The following RBFOX1 variants were observed in gnomAD, a reference collection of about 807,000 sequenced individuals.
The protein encoded by RBFOX1 is RNA binding protein fox-1 homolog 1.
Under a neutral mutation model 57.7 loss-of-function variants are expected in RBFOX1, and 8 were observed. That is an observed-to-expected ratio of 0.14 (90% CI 0.08 to 0.25). The LOEUF is 0.25. RBFOX1 is among the 10% of genes least tolerant of loss of function. The probability of loss-of-function intolerance (pLI) is 1.00; values close to 1 mark genes in which losing one functional copy is unlikely to be tolerated. For missense variants in RBFOX1, 611 were observed against 548.5 expected (o/e 1.11, Z -1.14); for synonymous variants, 326 against 222.4 (o/e 1.47, Z -4.15).
intron 1 of RBFOX1, among the ~76,000 whole-genome samples, chr16:6,172,634 T>C (rs907949554): frequency 6.6e-6 from 1 of 152,184 alleles, no homozygotes; most frequent in Non-Finnish European, 1.5e-5. Flanking sequence ...CTCTGGATTA[T>C]TCAATGTAGA....
intron 4 of RBFOX1, among the ~76,000 whole-genome samples, chr16:7,107,689 G>A (rs1023315506): frequency 1.3e-5 from 2 of 151,994 alleles, no homozygotes; most frequent in Non-Finnish European, 2.9e-5. Context: ...CTACACACTA[G>A]TTTGCCTTTT....
At chr16:5,385,915 G>A (rs1302460655) in intron 1 of RBFOX1, among the ~76,000 whole-genome samples, 3 of 152,030 alleles carry the variant, frequency 2.0e-5, no homozygotes, top group Non-Finnish European at 4.4e-5. Context: ...GCAGGAGTGT[G>A]GATAAATCTG....
At chr16:5,412,648 G>T (rs570248013) in intron 1 of RBFOX1, among the ~76,000 whole-genome samples, 3 of 152,158 alleles carry the variant, frequency 2.0e-5, no homozygotes, top group Non-Finnish European at 2.9e-5. Flanking sequence ...CTTATTGTGC[G>T]CTGGTTCTTG....
chr16:5,324,068 T>A (rs2064491044), intron 1 of RBFOX1, among the ~76,000 whole-genome samples: 2 of 152,242 alleles, frequency 1.3e-5, no homozygotes, highest in South Asian at 4.1e-4. Context: ...CTTTGCAAAG[T>A]GTTTGCCAGT....
chr16:7,336,776 G>C (rs148847572), intron 4 of RBFOX1, among the ~76,000 whole-genome samples: 5 of 152,296 alleles, frequency 3.3e-5, no homozygotes, highest in African/African-American at 1.2e-4. Flanking sequence ...TCCTATATCT[G>C]TAATTGTAAA....
At chr16:5,436,347 A>C (rs935644004) in intron 1 of RBFOX1, among the ~76,000 whole-genome samples, 2 of 152,158 alleles carry the variant, frequency 1.3e-5, no homozygotes, top group African/African-American at 4.8e-5. Flanking sequence ...TTCAGGGGCT[A>C]CAGAAGAGAC....
chr16:6,719,759 T>A (rs929990092), intron 3 of RBFOX1, among the ~76,000 whole-genome samples: 5 of 152,072 alleles, frequency 3.3e-5, no homozygotes, highest in African/African-American at 1.2e-4. Flanking sequence ...ATGATGGTTT[T>A]TTAAAGTGCC....
At chr16:6,872,378 G>C (rs2153275149) in intron 3 of RBFOX1, among the ~76,000 whole-genome samples, 1 of 151,898 alleles carries the variant, frequency 6.6e-6, no homozygotes, top group East Asian at 1.9e-4. Flanking sequence ...AGTAATAATA[G>C]CTTTACTATG....
At chr16:6,994,716 A>G (rs954677813) in intron 3 of RBFOX1, among the ~76,000 whole-genome samples, 1 of 152,194 alleles carries the variant, frequency 6.6e-6, no homozygotes, top group African/African-American at 2.4e-5. Flanking sequence ...AAAGTCCTGA[A>G]GCTATCATAT....
intron 1 of RBFOX1, among the ~76,000 whole-genome samples, chr16:6,075,074 G>C (rs1482604983): frequency 1.3e-5 from 2 of 152,214 alleles, no homozygotes; most frequent in African/African-American, 4.8e-5. Context: ...AGAGAAGCTG[G>C]ATGGTCAATA....
chr16:5,742,873 G>C (rs1045447902), intron 3 of RBFOX1, among the ~76,000 whole-genome samples: 13 of 152,200 alleles, frequency 8.5e-5, no homozygotes, highest in African/African-American at 3.1e-4. Flanking sequence ...TTTGGGCCGA[G>C]AGATGGATCT....
At chr16:5,738,953 C>G (rs2052678662) in intron 3 of RBFOX1, among the ~76,000 whole-genome samples, 1 of 151,078 alleles carries the variant, frequency 6.6e-6, no homozygotes, top group African/African-American at 2.4e-5. Flanking sequence ...TTTCTTCTCT[C>G]TGACAAAGAA....
chr16:5,852,810 A>G (rs544055220), intron 3 of RBFOX1, among the ~76,000 whole-genome samples: 1 of 152,106 alleles, frequency 6.6e-6, no homozygotes, highest in East Asian at 1.9e-4. Context: ...AGCCTGGGTG[A>G]CAGAGCAAAA....
Position 7,304,170 on chromosome 16 carries a change from G to T in RBFOX1, c.28-213977G>T, listed in dbSNP as rs1330470793. 9 of 975,710 alleles carry T rather than the reference G, an allele frequency of 9.2e-6. No homozygotes were observed. The South Asian group carries it at 4.3e-4, about 46-fold the overall frequency. The allele number at this position is 975,710 out of a possible 1,614,324, so 60.4% of individuals were successfully genotyped here. On this transcript the variant is annotated intron_variant, in intron 4 of 15. Transcript: ENST00000550418. Reference sequence around the variant, plus strand: ...GAGGAGGGACCGGCGGGGTGCGGTGGGGGGAGGGAGGAGGAAAGAGGGGGA... The same window carrying T: ...GAGGAGGGACCGGCGGGGTGCGGTGTGGGGAGGGAGGAGGAAAGAGGGGGA...
chr16:6,123,448 T>C (rs2096566473), intron 1 of RBFOX1, among the ~76,000 whole-genome samples: 2 of 152,278 alleles, frequency 1.3e-5, no homozygotes, highest in African/African-American at 4.8e-5. Flanking sequence ...GATACTAAAG[T>C]AGTCAAATAC....
chr16:7,120,289 G>C (rs753298283), intron 4 of RBFOX1, among the ~76,000 whole-genome samples: 2 of 151,060 alleles, frequency 1.3e-5, no homozygotes, highest in African/African-American at 2.4e-5. Flanking sequence ...ATTAAAAAAA[G>C]CAAATCAAAA....
chr16:6,606,903 T>C (rs2097939382), intron 2 of RBFOX1, among the ~76,000 whole-genome samples: 1 of 152,164 alleles, frequency 6.6e-6, no homozygotes, highest in Non-Finnish European at 1.5e-5. Context: ...AAATGGTGTT[T>C]CTTGTTCTGA....
intron 1 of RBFOX1, among the ~76,000 whole-genome samples, chr16:5,286,912 C>T (rs2063409277): frequency 1.3e-5 from 2 of 152,186 alleles, no homozygotes; most frequent in Non-Finnish European, 2.9e-5. Flanking sequence ...AGTTTGCCAA[C>T]CCTGTTCAGA....
At chr16:5,535,262 A>G (rs141143000) in intron 2 of RBFOX1, among the ~76,000 whole-genome samples, 179 of 152,326 alleles carry the variant, frequency 1.2e-3, no homozygotes, top group Non-Finnish European at 2.2e-3. Context: ...ATCAACTCCA[A>G]AATCTCACCT....
Sources: gnomAD v4.1 joint callset for allele counts (sites outside exome capture counted in the v4.1 genomes callset) on GRCh38, gnomAD v4.1.1 for gene constraint, MANE v1.5 for transcripts, NCBI Gene and HGNC (gene_info 2026-07-23, HGNC 2026-07-21) for gene names.